B4GALT5: variants seen among roughly 807,000 people sequenced by gnomAD.
B4GALT5 encodes beta-1,4-galactosyltransferase 5, also known as UDP-Gal:beta-GlcNAc beta-1,4-galactosyltransferase 5.
A neutral mutation model predicts 45.0 loss-of-function variants in B4GALT5; 11 were observed. The observed-to-expected ratio is 0.24, with a 90% confidence interval of 0.15 to 0.40. The LOEUF is 0.40. Ranked by LOEUF, B4GALT5 falls within the 10% of genes least tolerant of loss-of-function variation. The pLI, the probability that B4GALT5 is intolerant of heterozygous loss-of-function variation, is 1.00. For missense variants in B4GALT5, 337 were observed against 500.2 expected, an observed-to-expected ratio of 0.67 and a Z score of 3.11; for synonymous variants, 185 against 182.9, an observed-to-expected ratio of 1.01 and a Z score of -0.09.
chr20:49,676,978 T>C (rs868769283), intron 1 of B4GALT5, among the ~76,000 whole-genome samples: 2 of 152,232 alleles, frequency 1.3e-5, no homozygotes, highest in Admixed American at 1.3e-4. Context: ...ACAATACCTA[T>C]GATGTATGTC....
rs539669098 is a variant in B4GALT5, at chr20:49,692,629, G to T, written c.115+20947C>A. Among the ~76,000 whole-genome samples, 6 of 152,354 alleles carry T rather than the reference G, an allele frequency of 3.9e-5. No individual in the cohort carries two copies. The South Asian group carries it at 1.2e-3, about 32-fold the overall frequency. ...GTGCTGGCATTGCCTAGGAGGCTGA[G>T]TATATCCTTTAAACCTTTCCATGAT... On this transcript the variant is annotated intron_variant, in intron 1 of 8. Coordinates refer to ENST00000371711, the MANE Select transcript of B4GALT5 (RefSeq NM_004776.4).
At chr20:49,668,407 C>T (rs2085701210) in intron 1 of B4GALT5, among the ~76,000 whole-genome samples, 1 of 151,984 alleles carries the variant, frequency 6.6e-6, no homozygotes, top group African/African-American at 2.4e-5. Context: ...CTGATCTAAG[C>T]TTCAGCTTTG....
intron 2 of B4GALT5, among the ~76,000 whole-genome samples, chr20:49,653,182 A>G (rs2085629038): frequency 6.6e-6 from 1 of 152,134 alleles, no homozygotes; most frequent in Non-Finnish European, 1.5e-5. Context: ...ATCAACCCCA[A>G]TCTAAAAATC....
At chr20:49,639,376 G>T (rs1320117736) in intron 7 of B4GALT5, among the ~76,000 whole-genome samples, 1 of 152,022 alleles carries the variant, frequency 6.6e-6, no homozygotes, top group Non-Finnish European at 1.5e-5. Context: ...GTGTGTGTGT[G>T]TGTGTATTTT....
intron 1 of B4GALT5, among the ~76,000 whole-genome samples, chr20:49,695,905 A>C (rs760917471): frequency 1.3e-5 from 2 of 152,236 alleles, no homozygotes; most frequent in Non-Finnish European, 2.9e-5. Context: ...GAAGCAAAGA[A>C]ATATGCTGAG....
At chr20:49,700,009 C>G (rs967935363) in intron 1 of B4GALT5, among the ~76,000 whole-genome samples, 1 of 152,162 alleles carries the variant, frequency 6.6e-6, no homozygotes, top group South Asian at 2.1e-4. Flanking sequence ...CGCTGCCCCC[C>G]ACCCTTGCCC....
At position 49,677,489 on chromosome 20, in the gene B4GALT5, T is replaced by C. The variant is rs927981050; in HGVS notation, c.116-20787A>G. 2.0e-5 allele frequency among the ~76,000 whole-genome samples: 3 copies of C among 152,214 alleles called. No individual in the cohort carries two copies. The East Asian group carries it at 5.8e-4, about 29-fold the overall frequency. On this transcript the variant is annotated intron_variant, in intron 1 of 8. Transcript: ENST00000371711. ...CACACCATTCTCTGAGCAGAAATGC[T>C]AGGTGCAAACATTTGTTGGTAATTA...
intron 3 of B4GALT5, among the ~76,000 whole-genome samples, chr20:49,644,780 A>G (rs1234406819): frequency 6.6e-6 from 1 of 152,220 alleles, no homozygotes; most frequent in East Asian, 1.9e-4. Flanking sequence ...TTACATACTT[A>G]TAATTAATTA....
intron 1 of B4GALT5, among the ~76,000 whole-genome samples, chr20:49,675,510 A>G (rs2085733514): frequency 6.6e-6 from 1 of 152,108 alleles, no homozygotes; most frequent in African/African-American, 2.4e-5. Flanking sequence ...CCCAACAACA[A>G]GGCTCCTGGG....
At chr20:49,684,769 T>C (rs2085778685) in intron 1 of B4GALT5, among the ~76,000 whole-genome samples, 1 of 152,144 alleles carries the variant, frequency 6.6e-6, no homozygotes, top group South Asian at 2.1e-4. Context: ...TGGCATGCGG[T>C]AGGATTAGAG....
intron 1 of B4GALT5, among the ~76,000 whole-genome samples, chr20:49,672,032 C>A (rs569946412): frequency 1.3e-5 from 2 of 152,262 alleles, no homozygotes; most frequent in East Asian, 3.9e-4. Flanking sequence ...TCATAATGAT[C>A]CTAAAGCTCT....
At chr20:49,672,559 C>G (rs1835597581) in intron 1 of B4GALT5, among the ~76,000 whole-genome samples, 2 of 152,148 alleles carry the variant, frequency 1.3e-5, no homozygotes, top group Non-Finnish European at 2.9e-5. Flanking sequence ...TTATGACAGA[C>G]AGACTCTGTC....
rs2122988528 is a variant in B4GALT5 at position 49,636,049 on chromosome 20, A to AGCGG, written c.*259_*262dup. 6.7e-6 allele frequency: 3 copies of AGCGG among 450,368 alleles called. No homozygotes were observed. In the South Asian group the frequency reaches 6.7e-5, roughly 10 times the overall value. 27.9% of individuals were successfully genotyped at this position (450,368 alleles called of 1,614,324 possible). On this transcript the variant is annotated 3_prime_UTR_variant, in exon 9 of 9. Coordinates refer to ENST00000371711, the MANE Select transcript of B4GALT5 (RefSeq NM_004776.4). ...GTGGGGTAGGAGATGGGGAGAGAGC[A>AGCGG]GCGGGACAGACGTCTGTCTTGTGAA...
chr20:49,672,312 T>C (rs886133599), intron 1 of B4GALT5, among the ~76,000 whole-genome samples: 5 of 152,174 alleles, frequency 3.3e-5, no homozygotes, highest in Non-Finnish European at 7.4e-5. Context: ...CTGTCAAACA[T>C]AGGAAATCAG....
intron 3 of B4GALT5, among the ~76,000 whole-genome samples, chr20:49,645,999 A>T (rs1172592945): frequency 1.3e-5 from 2 of 152,070 alleles, no homozygotes; most frequent in African/African-American, 4.8e-5. Context: ...CAGCCTGGGC[A>T]ACATAGTAAC....
At chr20:49,659,693 A>G (rs921887253) in intron 1 of B4GALT5, among the ~76,000 whole-genome samples, 6 of 152,216 alleles carry the variant, frequency 3.9e-5, no homozygotes, top group African/African-American at 1.4e-4. Flanking sequence ...AATGCTTCCC[A>G]CTACTGGGGA....
At chr20:49,638,982 T>A (rs2085565064) in intron 7 of B4GALT5, among the ~76,000 whole-genome samples, 1 of 152,210 alleles carries the variant, frequency 6.6e-6, no homozygotes, top group Non-Finnish European at 1.5e-5. Context: ...GCTTATCACA[T>A]ATCAGATATG....
intron 1 of B4GALT5, among the ~76,000 whole-genome samples, chr20:49,706,025 C>CA (rs55753502): frequency 0.18 from 19,053 of 106,138 alleles, 1,337 homozygotes; most frequent in East Asian, 0.26. Context: ...ACTAAAAATA[C>CA]AAAAAAAAAA....
At chr20:49,639,170 T>C (rs907233660) in intron 7 of B4GALT5, among the ~76,000 whole-genome samples, 1 of 152,214 alleles carries the variant, frequency 6.6e-6, no homozygotes, top group African/African-American at 2.4e-5. Flanking sequence ...TTTATACTCA[T>C]TTGTATTTTA....
Sources: allele counts gnomAD v4.1 joint callset (sites outside exome capture counted in the v4.1 genomes callset), GRCh38; gene constraint gnomAD v4.1.1; transcripts MANE v1.5; gene names NCBI Gene and HGNC (gene_info 2026-07-23, HGNC 2026-07-21).